DIS3L2: variants seen among roughly 807,000 people sequenced by gnomAD.
DIS3L2 encodes DIS3 like 3'-5' exoribonuclease 2.
Under a neutral mutation model 97.5 loss-of-function variants are expected in DIS3L2, and 34 were observed. That is an observed-to-expected ratio of 0.35 (90% CI 0.27 to 0.46). The LOEUF (loss-of-function observed/expected upper bound fraction) is 0.46, where lower values mean the gene tolerates loss of function less well. Ranked by LOEUF, DIS3L2 falls within the 20% of genes least tolerant of loss-of-function variation. The pLI is 1.00. For missense variants in DIS3L2, 1,038 were observed against 1,146.0 expected (o/e 0.91, Z 1.36); for synonymous variants, 435 against 445.2 (o/e 0.98, Z 0.29).
chr2:232,121,205 G>A (rs1403821340), intron 6 of DIS3L2, among the ~76,000 whole-genome samples: 1 of 152,124 alleles, frequency 6.6e-6, no homozygotes, highest in Non-Finnish European at 1.5e-5. Context: ...AGGGTCACCT[G>A]TGACCTTGTC....
rs1422863437 is a variant in DIS3L2 at position 232,276,982 on chromosome 2, G to GACT, written c.1659+13545_1659+13547dup. Among the ~76,000 whole-genome samples the GACT allele has an allele frequency of 1.3e-5, 2 of 152,226 alleles. No individual in the cohort carries two copies. Among genetic ancestry groups the GACT allele is most frequent in the African/African-American group, 2.4e-5 (1 of 41,464 alleles). On this transcript the variant is annotated intron_variant, in intron 13 of 20. Transcript: ENST00000325385. This position sits in a 1 kb window ranked among gnomAD's most constrained non-coding sequence, Gnocchi z 4.4. The stretch of plus-strand genomic sequence containing the variant: ...TTTAACACAGAGGTGAACTTGGAAG[G>GACT]ACTACAGTAAACGATGGTGGCCATC...
At position 232,087,671 on chromosome 2, in the gene DIS3L2, A is replaced by G. The variant is rs1696705440; in HGVS notation, c.551A>G (p.Asn184Ser). The change falls in exon 6 of 21, where the codon AAT (asparagine) becomes AGT (serine). Residue 184 changes from asparagine to serine, a missense_variant. Coordinates refer to ENST00000325385, the MANE Select transcript of DIS3L2 (RefSeq NM_152383.5). The part of the protein sequence containing the change: ...DSEDGHGITQ[N>S]VLVDGVKKLS... ...GAAGATGGACATGGCATCACACAAA[A>G]TGTGCTGGTTGATGGTGTTAAGAAA... 6.2e-7 allele frequency: 1 copy of G among 1,614,136 alleles called. No homozygotes were observed. The highest frequency in any genetic ancestry group is 8.5e-7 in the Non-Finnish European group (1 of 1,180,028).
chr2:232,140,645 ATATATGATGT>A (rs1485055514), intron 8 of DIS3L2, among the ~76,000 whole-genome samples: 2 of 152,208 alleles, frequency 1.3e-5, no homozygotes, highest in African/African-American at 4.8e-5. Context: ...CATTAATAGA[ATATATGATGT>A]TAGTAGCTTT....
At chr2:232,239,092 A>G (rs1574965350) in intron 11 of DIS3L2, among the ~76,000 whole-genome samples, 2 of 152,154 alleles carry the variant, frequency 1.3e-5, no homozygotes, top group African/African-American at 4.8e-5. Context: ...TGCCCATTAC[A>G]AGATAGCTAT....
chr2:232,118,909 A>G (rs1697809744), intron 6 of DIS3L2, among the ~76,000 whole-genome samples: 1 of 152,212 alleles, frequency 6.6e-6, no homozygotes, highest in African/African-American at 2.4e-5. Context: ...CGTGGATCTC[A>G]GAAATGATGC....
At chr2:232,078,328 G>A (rs188612586) in intron 5 of DIS3L2, among the ~76,000 whole-genome samples, 1 of 152,282 alleles carries the variant, frequency 6.6e-6, no homozygotes, top group African/African-American at 2.4e-5. Context: ...ATAGGCATGA[G>A]CCACCTCGCC....
chr2:232,069,202 C>T (rs1162846704), intron 5 of DIS3L2, among the ~76,000 whole-genome samples: 5 of 152,114 alleles, frequency 3.3e-5, no homozygotes, highest in African/African-American at 9.7e-5. Flanking sequence ...TAAGTCTCTC[C>T]ACACATAAAA....
At chr2:231,994,705 C>G (rs2106195396) in intron 1 of DIS3L2, among the ~76,000 whole-genome samples, 1 of 152,168 alleles carries the variant, frequency 6.6e-6, no homozygotes, top group African/African-American at 2.4e-5. Context: ...TACTCTCCAA[C>G]ATTAGTTACT....
chr2:232,028,497 GT>G (rs1053654305), intron 4 of DIS3L2, among the ~76,000 whole-genome samples: 1 of 152,044 alleles, frequency 6.6e-6, no homozygotes, highest in Non-Finnish European at 1.5e-5. Flanking sequence ...GCTTTCCTTG[GT>G]TTCCTGGGAT....
intron 5 of DIS3L2, among the ~76,000 whole-genome samples, chr2:232,045,895 G>A (rs948435936): frequency 2.6e-5 from 4 of 151,760 alleles, no homozygotes; most frequent in Non-Finnish European, 5.9e-5. Context: ...GGCTGGTCTC[G>A]AACCCCTGAA....
intron 9 of DIS3L2, among the ~76,000 whole-genome samples, chr2:232,202,511 A>G (rs925731717): frequency 3.9e-5 from 6 of 152,262 alleles, no homozygotes; most frequent in Admixed American, 2.6e-4. Flanking sequence ...TGTTTGGATT[A>G]AGTTTCATCA....
At chr2:232,230,759 G>C (rs961172794) in intron 10 of DIS3L2, among the ~76,000 whole-genome samples, 1 of 152,106 alleles carries the variant, frequency 6.6e-6, no homozygotes, top group Non-Finnish European at 1.5e-5. Context: ...GCGCTCCCTG[G>C]TGGCTTCCCA....
chr2:232,227,568 G>A (rs1390040812), intron 10 of DIS3L2, among the ~76,000 whole-genome samples: 57 of 152,212 alleles, frequency 3.7e-4, no homozygotes, highest in Non-Finnish European at 2.9e-5. Flanking sequence ...GTTAACTTTT[G>A]TGACGTCTTG....
At chr2:232,187,948 C>A (rs1444855990) in intron 9 of DIS3L2, among the ~76,000 whole-genome samples, 1 of 151,954 alleles carries the variant, frequency 6.6e-6, no homozygotes, top group East Asian at 1.9e-4. Context: ...ACCAGCCTGG[C>A]CAACATGGTG....
intron 20 of DIS3L2, 191 bp from the exon 21 acceptor site, chr2:232,336,278 G>GCAT (rs1347188603): frequency 3.9e-6 from 6 of 1,546,070 alleles, no homozygotes; most frequent in Non-Finnish European, 5.2e-6. Flanking sequence ...CGCTCAGGAT[G>GCAT]CATCTGACTC....
chr2:232,299,936 T>C (rs1694813423), intron 13 of DIS3L2, 104 bp from the exon 14 acceptor site: 1 of 1,159,562 alleles, frequency 8.6e-7, no homozygotes, highest in Admixed American at 2.0e-5. Context: ...ACACATTGAC[T>C]TGAGGGAGTG....
intron 1 of DIS3L2, among the ~76,000 whole-genome samples, chr2:232,003,588 C>T (rs1342178024): frequency 6.6e-6 from 1 of 152,004 alleles, no homozygotes; most frequent in Non-Finnish European, 1.5e-5. Context: ...GTATCATTTC[C>T]CTTTAGCCTG....
intron 5 of DIS3L2, among the ~76,000 whole-genome samples, chr2:232,081,310 C>T (rs573719972): frequency 2.4e-4 from 36 of 152,138 alleles, no homozygotes; most frequent in African/African-American, 8.2e-4. Context: ...TCTGGTCCAC[C>T]CATTATAAAA....
chr2:232,245,838 G>A (rs1693232383), intron 11 of DIS3L2, among the ~76,000 whole-genome samples: 1 of 152,302 alleles, frequency 6.6e-6, no homozygotes, highest in South Asian at 2.1e-4. Context: ...AGCCAAAACA[G>A]TGTAGCTTAT....
Sources: allele counts gnomAD v4.1 joint callset (sites outside exome capture counted in the v4.1 genomes callset), GRCh38; gene constraint gnomAD v4.1.1; non-coding constraint Gnocchi (gnomAD v3.1); transcripts MANE v1.5; gene names NCBI Gene and HGNC (gene_info 2026-07-23, HGNC 2026-07-21).